LINGO2: variants seen among roughly 807,000 people sequenced by gnomAD.
LINGO2 encodes the protein leucine rich repeat and Ig domain containing 2, also known as leucine-rich repeat and immunoglobulin-like domain-containing nogo receptor-interacting protein 2.
A neutral mutation model predicts 30.6 loss-of-function variants in LINGO2; 14 were observed. The ratio of observed to expected loss-of-function variants is 0.46; its 90% CI spans 0.30 to 0.72. The LOEUF (loss-of-function observed/expected upper bound fraction) is 0.72. Ranked by LOEUF, LINGO2 falls within the 30% of genes least tolerant of loss-of-function variation. The pLI is 0.07. For missense variants in LINGO2, 729 were observed against 751.7 expected (o/e 0.97, Z 0.35); for synonymous variants, 317 against 288.5 (o/e 1.10, Z -1.00).
rs574672222 is a variant in LINGO2 at position 28,050,342 on chromosome 9, T to TA, written c.-86-37938dup. Among the ~76,000 whole-genome samples the TA allele has an allele frequency of 1.1e-4, 17 of 150,844 alleles. 2 individuals are homozygous for TA. In the South Asian group the frequency reaches 3.6e-3, roughly 32 times the overall value. ...CCAAAGAAATAAAATACACTTTGGTTAAAGCCCCATATCTGGAGTCTTGAC... is the reference window on the plus strand; with the variant it reads ...CCAAAGAAATAAAATACACTTTGGTTAAAAGCCCCATATCTGGAGTCTTGAC... On this transcript the variant is annotated intron_variant, in intron 4 of 5. Coordinates refer to ENST00000379992, the Ensembl canonical transcript of LINGO2.
chr9:29,037,959 G>A, the LINGO2 span, among the ~76,000 whole-genome samples: 44 of 152,048 alleles, frequency 2.9e-4, no homozygotes, highest in African/African-American at 8.7e-4. Context: ...GCTAATCCAT[G>A]CTTTTGTACA....
chr9:29,034,414 A>G, the LINGO2 span, among the ~76,000 whole-genome samples: 4 of 152,238 alleles, frequency 2.6e-5, no homozygotes, highest in East Asian at 7.7e-4. Flanking sequence ...GCTTTACACT[A>G]ACATATTGCG....
upstream of LINGO2, among the ~76,000 whole-genome samples, chr9:28,673,585 T>G (rs377156299): frequency 8.6e-5 from 13 of 151,910 alleles, no homozygotes; most frequent in African/African-American, 2.9e-4. Flanking sequence ...AAGAATCGCT[T>G]GAACCCGGGA....
At chr9:28,413,332 G>A (rs1158014206) in intron 2 of LINGO2, among the ~76,000 whole-genome samples, 1 of 152,096 alleles carries the variant, frequency 6.6e-6, no homozygotes, top group South Asian at 2.1e-4. Flanking sequence ...TTGTGGTTGG[G>A]AAAGTGACTT....
the LINGO2 span, among the ~76,000 whole-genome samples, chr9:28,743,561 G>C: frequency 6.6e-6 from 1 of 151,924 alleles, no homozygotes; most frequent in African/African-American, 2.4e-5. Context: ...AGGTAGTTTT[G>C]CTGGATATAA....
At chr9:28,016,786 T>C (rs1365743680) in intron 4 of LINGO2, among the ~76,000 whole-genome samples, 1 of 151,338 alleles carries the variant, frequency 6.6e-6, no homozygotes, top group Admixed American at 6.6e-5. Context: ...GTATCAATCC[T>C]ACGGAAAATA....
At chr9:28,508,053 C>G (rs1820224621) in intron 1 of LINGO2, among the ~76,000 whole-genome samples, 1 of 152,082 alleles carries the variant, frequency 6.6e-6, no homozygotes, top group South Asian at 2.1e-4. Context: ...GTGGTGTAAT[C>G]TGGGTTCATT....
At chr9:28,750,371 C>T in the LINGO2 span, among the ~76,000 whole-genome samples, 5 of 152,100 alleles carry the variant, frequency 3.3e-5, no homozygotes, top group East Asian at 1.9e-4. Flanking sequence ...CTAAGCCAAA[C>T]TTTGGTGGAA....
the LINGO2 span, among the ~76,000 whole-genome samples, chr9:29,110,426 G>A: frequency 6.6e-6 from 1 of 151,742 alleles, no homozygotes; most frequent in Admixed American, 6.6e-5. Context: ...TCCACCTCCC[G>A]AGTTCACGCC....
the LINGO2 span, among the ~76,000 whole-genome samples, chr9:29,093,221 C>A: frequency 2.3e-5 from 3 of 132,912 alleles, no homozygotes; most frequent in Admixed American, 1.6e-4. Context: ...CCTGTAGAAA[C>A]AACTCATATA....
At chr9:28,118,419 T>C (rs565515736) in intron 4 of LINGO2, among the ~76,000 whole-genome samples, 1 of 152,294 alleles carries the variant, frequency 6.6e-6, no homozygotes, top group Non-Finnish European at 1.5e-5. Flanking sequence ...CAGGTTTTCA[T>C]CAACATTAGC....
the LINGO2 span, among the ~76,000 whole-genome samples, chr9:29,129,175 T>C: frequency 6.6e-6 from 1 of 152,074 alleles, no homozygotes; most frequent in Admixed American, 6.6e-5. Flanking sequence ...TCTGAGTTAT[T>C]GGCAAAAATA....
chr9:28,007,136 C>A lies in LINGO2; in HGVS notation c.-36+5219G>T, dbSNP rs575151764. 3.9e-5 allele frequency among the ~76,000 whole-genome samples: 6 copies of A among 152,224 alleles called. No homozygotes were observed. In the South Asian group the frequency reaches 1.2e-3, roughly 32 times the overall value. The stretch of plus-strand genomic sequence containing the variant: ...CACTTACGTAGCATAGAATAGCAGA[C>A]TTGTACAGATAGAAACAAACTCAGA... On this transcript the variant is annotated intron_variant, in intron 5 of 5. Coordinates refer to ENST00000379992, the Ensembl canonical transcript of LINGO2.
chr9:29,141,525 G>A, the LINGO2 span, among the ~76,000 whole-genome samples: 37,318 of 151,568 alleles, frequency 0.25, 4,767 homozygotes, highest in East Asian at 0.44. Flanking sequence ...GGAAAAGACA[G>A]AAAACAATTA....
chr9:28,438,938 TATA>T (rs1165755253), intron 2 of LINGO2, among the ~76,000 whole-genome samples: 1 of 140,726 alleles, frequency 7.1e-6, no homozygotes, highest in African/African-American at 2.5e-5. Context: ...ATACATTATA[TATA>T]ATGAAATATA....
intron 4 of LINGO2, among the ~76,000 whole-genome samples, chr9:28,216,841 A>G (rs1820784160): frequency 1.3e-5 from 2 of 151,880 alleles, no homozygotes; most frequent in Admixed American, 6.6e-5. Context: ...ATGGATCTGT[A>G]AGTTAGAAAT....
intron 5 of LINGO2, among the ~76,000 whole-genome samples, chr9:27,997,495 G>T (rs917207805): frequency 1.1e-4 from 17 of 152,054 alleles, no homozygotes; most frequent in Admixed American, 1.1e-3. Context: ...CCTGCCCCTT[G>T]TTGGGCCTCA....
chr9:28,029,412 G>A (rs1823550338), intron 4 of LINGO2, among the ~76,000 whole-genome samples: 1 of 152,126 alleles, frequency 6.6e-6, no homozygotes, highest in African/African-American at 2.4e-5. Flanking sequence ...ACTTCTCAGA[G>A]CTACTCGGTT....
intron 4 of LINGO2, among the ~76,000 whole-genome samples, chr9:28,171,757 C>A (rs1443262068): frequency 6.6e-6 from 1 of 151,792 alleles, no homozygotes; most frequent in Non-Finnish European, 1.5e-5. Flanking sequence ...GCCTGTAATC[C>A]CAGCACTTTG....
Sources: allele counts gnomAD v4.1 joint callset (sites outside exome capture counted in the v4.1 genomes callset), GRCh38; gene constraint gnomAD v4.1.1; transcripts MANE v1.5; gene names NCBI Gene and HGNC (gene_info 2026-07-23, HGNC 2026-07-21).